The following GALK2 variants were observed in gnomAD, a reference collection of about 807,000 sequenced individuals.
The protein encoded by GALK2 is N-acetylgalactosamine kinase.
GALK2 carries 36 observed loss-of-function variants against 52.4 expected under a neutral mutation model. The ratio of observed to expected loss-of-function variants is 0.69; its 90% confidence interval spans 0.53 to 0.91. GALK2 has a LOEUF of 0.91. GALK2 is among the 40% of genes least tolerant of loss of function. GALK2 has a pLI of 0.00. For missense variants in GALK2, 579 were observed against 559.1 expected (o/e 1.04, Z -0.36); for synonymous variants, 176 against 199.1 (o/e 0.88, Z 0.98).
At chr15:49,210,229 T>A (rs1203160166) in intron 2 of GALK2, among the ~76,000 whole-genome samples, 1 of 151,940 alleles carries the variant, frequency 6.6e-6, no homozygotes, top group Non-Finnish European at 1.5e-5. Context: ...TCTCTTTTTC[T>A]CAGTCTAGCT....
chr15:49,243,561 TA>T (rs767035879), intron 5 of GALK2, among the ~76,000 whole-genome samples: 7 of 152,016 alleles, frequency 4.6e-5, no homozygotes, highest in Non-Finnish European at 1.0e-4. Context: ...GACTCACTCT[TA>T]AATATGATAG....
intron 9 of GALK2, among the ~76,000 whole-genome samples, chr15:49,324,365 C>T (rs2037150027): frequency 8.0e-6 from 1 of 124,438 alleles, no homozygotes; most frequent in Admixed American, 1.0e-4. Context: ...CATGCTCTTT[C>T]CCCATGACCT....
intron 2 of GALK2, among the ~76,000 whole-genome samples, chr15:49,213,526 A>G (rs185499150): frequency 6.6e-6 from 1 of 151,396 alleles, no homozygotes; most frequent in African/African-American, 2.4e-5. Context: ...CCACCCCACA[A>G]TTGGCCCTGG....
At chr15:49,195,122 G>A (rs1374535393) in intron 1 of GALK2, 4 of 451,910 alleles carry the variant, frequency 8.9e-6, no homozygotes, top group Non-Finnish European at 1.8e-5. Flanking sequence ...GGAGGCTAGA[G>A]TGCAAGTGGC....
At chr15:49,220,172 T>A (rs1329658931) in intron 3 of GALK2, among the ~76,000 whole-genome samples, 1 of 150,994 alleles carries the variant, frequency 6.6e-6, no homozygotes, top group Admixed American at 6.6e-5. Flanking sequence ...TTGATAACTA[T>A]AGTCCCCCTA....
At chr15:49,279,039 GC>G (rs1182154378) in intron 5 of GALK2, among the ~76,000 whole-genome samples, 1 of 152,214 alleles carries the variant, frequency 6.6e-6, no homozygotes, top group Non-Finnish European at 1.5e-5. Flanking sequence ...CATGAGAACA[GC>G]ATGAGGGAAA....
intron 8 of GALK2, among the ~76,000 whole-genome samples, chr15:49,303,754 C>T (rs1204777314): frequency 6.6e-6 from 1 of 152,136 alleles, no homozygotes; most frequent in African/African-American, 2.4e-5. Context: ...TGTTTCTGAC[C>T]CTGTAGTTCC....
rs188595195 is a variant in GALK2, at chr15:49,359,507, G to A, written c.427-7984G>A. ...GAAAAAATGCTCATCATCACTGGCCGTCAGAGAAATGCAAATCAAAACCAC... is the reference window on the plus strand; with the variant it reads ...GAAAAAATGCTCATCATCACTGGCCATCAGAGAAATGCAAATCAAAACCAC... On this transcript the variant is annotated intron_variant, in intron 3 of 3. Transcript: ENST00000558399. 2.8e-4 allele frequency among the ~76,000 whole-genome samples: 33 copies of A among 116,886 alleles called. 5 individuals carry two copies. The highest frequency in any genetic ancestry group is 1.0e-3 in the East Asian group (4 of 4,010). The allele number at this position is 116,886 out of a possible 152,430, so 76.7% of individuals were successfully genotyped here.
At chr15:49,284,272 G>A (rs1462127334) in intron 7 of GALK2, among the ~76,000 whole-genome samples, 1 of 152,138 alleles carries the variant, frequency 6.6e-6, no homozygotes, top group Non-Finnish European at 1.5e-5. Context: ...AGTATTCATT[G>A]ACTAGCTATT....
intron 3 of GALK2, among the ~76,000 whole-genome samples, chr15:49,224,531 A>T (rs1284248353): frequency 6.6e-6 from 1 of 152,220 alleles, no homozygotes; most frequent in Non-Finnish European, 1.5e-5. Flanking sequence ...GTCCAGTTTC[A>T]TTCTACTGCA....
intron 7 of GALK2, among the ~76,000 whole-genome samples, chr15:49,289,533 G>A (rs1464327812): frequency 6.6e-6 from 1 of 152,198 alleles, no homozygotes; most frequent in African/African-American, 2.4e-5. Flanking sequence ...CAACCTGAAA[G>A]TGCTAGGGAG....
chr15:49,241,730 T>G (rs1359590019), intron 5 of GALK2, among the ~76,000 whole-genome samples: 1 of 152,204 alleles, frequency 6.6e-6, no homozygotes, highest in Non-Finnish European at 1.5e-5. Flanking sequence ...ATTTCACTTT[T>G]AATGGGAGGA....
rs183064948 is a variant in GALK2, at chr15:49,295,850, A to G, written c.967+3313A>G. Among the ~76,000 whole-genome samples the G allele has an allele frequency of 7.9e-5, 12 of 151,954 alleles. No individual in the cohort carries two copies. In the East Asian group the frequency reaches 2.3e-3, roughly 29 times the overall value. ...TTCTGCTTATGCTTCTTAATCCACA[A>G]CCTATTCTCTTGCTCTGTATCCATC... On this transcript the variant is annotated intron_variant, in intron 8 of 9. Coordinates refer to ENST00000560031, the MANE Select transcript of GALK2 (RefSeq NM_002044.4).
At chr15:49,221,085 A>T (rs2089759390) in intron 3 of GALK2, among the ~76,000 whole-genome samples, 1 of 152,182 alleles carries the variant, frequency 6.6e-6, no homozygotes, top group Admixed American at 6.5e-5. Flanking sequence ...TTTTTAGTTT[A>T]AAATAGTTTT....
Position 49,299,802 on chromosome 15 carries a change from TAG to T in GALK2, c.967+7266_967+7267del, listed in dbSNP as rs1555428436. Reference sequence around the variant, plus strand: ...TTCTTTCTTTCTTTCTTTCGTGCTGTAGTCTGAGAGCGTGATTGGTATGATTT... The same window carrying T: ...TTCTTTCTTTCTTTCTTTCGTGCTGTTCTGAGAGCGTGATTGGTATGATTT... On this transcript the variant is annotated intron_variant, in intron 8 of 9. Transcript: ENST00000560031. Among the ~76,000 whole-genome samples the T allele has an allele frequency of 8.8e-3, 1,274 of 144,008 alleles. 28 individuals are homozygous for T. Among genetic ancestry groups the T allele is most frequent in the African/African-American group, 0.019 (721 of 37,934 alleles). 94.5% of individuals were successfully genotyped at this position (144,008 alleles called of 152,430 possible).
chr15:49,197,387 A>AT (rs1311178932), intron 1 of GALK2, among the ~76,000 whole-genome samples: 2 of 152,234 alleles, frequency 1.3e-5, no homozygotes, highest in East Asian at 3.9e-4. Flanking sequence ...CAGTTCTGTC[A>AT]TATTATTTTA....
At chr15:49,249,095 T>C (rs2091480088) in intron 5 of GALK2, among the ~76,000 whole-genome samples, 2 of 152,214 alleles carry the variant, frequency 1.3e-5, no homozygotes, top group Admixed American at 1.3e-4. Context: ...GCAAGTGATA[T>C]TAAGTACTAC....
chr15:49,254,973 A>G lies in GALK2; in HGVS notation c.504+15606A>G, dbSNP rs566134977. On this transcript the variant is annotated intron_variant, in intron 5 of 9. Coordinates refer to ENST00000560031, the MANE Select transcript of GALK2 (RefSeq NM_002044.4). ...CATAGATCCTTGGAAACATTTTGCC[A>G]CATTTGCTTTATCTTTCTCTCTACT... Among the ~76,000 whole-genome samples, 11 of 144,266 alleles carry G rather than the reference A, an allele frequency of 7.6e-5. 1 individual carries two copies. The highest frequency in any genetic ancestry group is 2.7e-4 in the African/African-American group (11 of 40,444). 94.6% of individuals were successfully genotyped at this position (144,266 alleles called of 152,430 possible). A position where few individuals can be genotyped will look rare whatever the true frequency, so the allele number is the denominator to read the frequency against.
At chr15:49,262,115 A>G (rs540454455) in intron 5 of GALK2, among the ~76,000 whole-genome samples, 4 of 151,906 alleles carry the variant, frequency 2.6e-5, no homozygotes, top group Admixed American at 6.5e-5. Context: ...CTCTTTTTCT[A>G]TTGATTGGAA....
Sources: gnomAD v4.1 joint callset for allele counts (sites outside exome capture counted in the v4.1 genomes callset) on GRCh38, gnomAD v4.1.1 for gene constraint, MANE v1.5 for transcripts, NCBI Gene and HGNC (gene_info 2026-07-23, HGNC 2026-07-21) for gene names.